Variants in ST6GALNAC3 observed in about 807,000 individuals in gnomAD.
ST6GALNAC3 encodes alpha-N-acetylgalactosaminide alpha-2,6-sialyltransferase 3.
In ST6GALNAC3, 25 loss-of-function variants were observed where a neutral mutation model predicts 32.7. The ratio of observed to expected loss-of-function variants is 0.76; its 90% CI spans 0.56 to 1.07. ST6GALNAC3 has a LOEUF of 1.07. ST6GALNAC3 is among the 50% of genes least tolerant of loss of function. ST6GALNAC3 has a pLI of 0.00. For synonymous variants in ST6GALNAC3, 129 were observed against 133.1 expected (o/e 0.97, Z 0.21); for missense variants, 355 against 382.4 (o/e 0.93, Z 0.60).
chr1:76,076,901 G>A (rs1646823677), intron 1 of ST6GALNAC3, among the ~76,000 whole-genome samples: 1 of 152,152 alleles, frequency 6.6e-6, no homozygotes. Flanking sequence ...ACCCAGATAT[G>A]TCAACCTTCC....
chr1:76,472,540 C>A (rs1401645273), intron 3 of ST6GALNAC3, among the ~76,000 whole-genome samples: 1 of 152,062 alleles, frequency 6.6e-6, no homozygotes, highest in Non-Finnish European at 1.5e-5. Flanking sequence ...AGGGACCACC[C>A]AAGCTAAAAC....
At chr1:76,425,421 G>A (rs1185709800) in intron 3 of ST6GALNAC3, among the ~76,000 whole-genome samples, 1 of 151,828 alleles carries the variant, frequency 6.6e-6, no homozygotes, top group African/African-American at 2.4e-5. Flanking sequence ...TTTTTTTAAG[G>A]CAGAGCTTTT....
intron 2 of ST6GALNAC3, among the ~76,000 whole-genome samples, chr1:76,399,021 T>A (rs1328836711): frequency 6.6e-6 from 1 of 152,206 alleles, no homozygotes; most frequent in Non-Finnish European, 1.5e-5. Context: ...TTGGATTTCC[T>A]CTTTAATCAA....
intron 2 of ST6GALNAC3, chr1:76,353,935 C>G (rs1308959236): frequency 1.1e-5 from 2 of 178,258 alleles, no homozygotes; most frequent in African/African-American, 4.7e-5. Context: ...GGTGAAAGCC[C>G]CAGGGATTCT....
intron 1 of ST6GALNAC3, among the ~76,000 whole-genome samples, chr1:76,276,300 C>T (rs933680371): frequency 1.3e-5 from 2 of 152,020 alleles, no homozygotes; most frequent in East Asian, 1.9e-4. Flanking sequence ...ACAGGGGCAA[C>T]GTTTCTTTGT....
intron 3 of ST6GALNAC3, among the ~76,000 whole-genome samples, chr1:76,458,230 AAAC>A (rs760718043): frequency 0.45 from 32,455 of 72,786 alleles, 5,780 homozygotes; most frequent in South Asian, 0.6. Flanking sequence ...AAAAGTCAGG[AAAC>A]AACAGGTGCT....
chr1:76,101,661 G>T (rs1647231424), intron 1 of ST6GALNAC3, among the ~76,000 whole-genome samples: 1 of 152,138 alleles, frequency 6.6e-6, no homozygotes, highest in African/African-American at 2.4e-5. Context: ...GTGGTTAGTA[G>T]ATTCTCAAAT....
chr1:76,371,858 T>C (rs17678977), intron 2 of ST6GALNAC3, among the ~76,000 whole-genome samples: 10,413 of 152,212 alleles, frequency 0.068, 556 homozygotes, highest in Non-Finnish European at 0.099. Context: ...CACAAGGATG[T>C]TGTTCTTGAG....
chr1:76,521,223 T>A (rs1662512368), intron 3 of ST6GALNAC3, among the ~76,000 whole-genome samples: 1 of 152,020 alleles, frequency 6.6e-6, no homozygotes, highest in Admixed American at 6.6e-5. Flanking sequence ...TATTTTAATT[T>A]TATATATATT....
chr1:76,092,484 AT>A (rs35498723), intron 1 of ST6GALNAC3, among the ~76,000 whole-genome samples: 35,817 of 152,028 alleles, frequency 0.24, 5,174 homozygotes, highest in Admixed American at 0.32. Flanking sequence ...TTTAGAAGCA[AT>A]TTTTATGGGA....
At chr1:76,202,464 G>T (rs67665131) in intron 1 of ST6GALNAC3, among the ~76,000 whole-genome samples, 12,754 of 152,094 alleles carry the variant, frequency 0.084, 589 homozygotes, top group African/African-American at 0.12. Flanking sequence ...AAGGGTCAAA[G>T]AAGAGTGAAG....
chr1:76,635,835 C>G (rs1325043854), downstream of ST6GALNAC3, among the ~76,000 whole-genome samples: 2 of 152,080 alleles, frequency 1.3e-5, no homozygotes, highest in Non-Finnish European at 2.9e-5. Context: ...GTTTTATGGG[C>G]AAGCCTGGAA....
intron 2 of ST6GALNAC3, among the ~76,000 whole-genome samples, chr1:76,396,261 T>G (rs1652948545): frequency 6.6e-6 from 1 of 152,142 alleles, no homozygotes; most frequent in Non-Finnish European, 1.5e-5. Flanking sequence ...GTCCAGGAGT[T>G]CGAGACCAGC....
chr1:76,085,035 C>CTGG (rs1646946819), intron 1 of ST6GALNAC3, among the ~76,000 whole-genome samples: 1 of 152,112 alleles, frequency 6.6e-6, no homozygotes, highest in African/African-American at 2.4e-5. Context: ...TAGAACAAGC[C>CTGG]CGGCTTGCTG....
intron 3 of ST6GALNAC3, among the ~76,000 whole-genome samples, chr1:76,416,031 C>T (rs938516065): frequency 5.3e-5 from 4 of 75,474 alleles, no homozygotes; most frequent in Non-Finnish European, 1.0e-4. Context: ...TGCTTTATTC[C>T]ACAACACACA....
rs573297407 is a variant in ST6GALNAC3 at position 76,133,453 on chromosome 1, T to C, written c.18+58569T>C. On this transcript the variant is annotated intron_variant, in intron 1 of 4. Transcript: ENST00000328299. ...AGGGATAGTTTTCCTGCTCGTCTTA[T>C]ATCTCCGCCATGGGTTCCACCCCCT... 2.6e-5 allele frequency among the ~76,000 whole-genome samples: 4 copies of C among 152,318 alleles called. No homozygotes were observed. In the South Asian group the frequency reaches 8.3e-4, roughly 32 times the overall value.
chr1:76,498,529 T>A (rs1183618799), intron 3 of ST6GALNAC3, among the ~76,000 whole-genome samples: 1 of 152,176 alleles, frequency 6.6e-6, no homozygotes, highest in Non-Finnish European at 1.5e-5. Flanking sequence ...TAAACTTGCT[T>A]GAAGCTGATT....
downstream of ST6GALNAC3, among the ~76,000 whole-genome samples, chr1:76,635,455 A>T (rs1222439383): frequency 6.6e-6 from 1 of 152,162 alleles, no homozygotes; most frequent in East Asian, 1.9e-4. Context: ...ACATAATGTT[A>T]CTATCACCAT....
intron 3 of ST6GALNAC3, among the ~76,000 whole-genome samples, chr1:76,524,042 C>T (rs903314510): frequency 2.0e-5 from 3 of 152,114 alleles, no homozygotes; most frequent in Non-Finnish European, 4.4e-5. Context: ...TTATTATCTA[C>T]AACTATCTAT....
Sources: gnomAD v4.1 joint callset for allele counts (sites outside exome capture counted in the v4.1 genomes callset) on GRCh38, gnomAD v4.1.1 for gene constraint, MANE v1.5 for transcripts, NCBI Gene and HGNC (gene_info 2026-07-23, HGNC 2026-07-21) for gene names.